The following SLC16A4 variants were observed in gnomAD, a reference collection of about 807,000 sequenced individuals.
SLC16A4 encodes the protein probable monocarboxylate transporter 5.
SLC16A4 carries 39 observed loss-of-function variants against 47.9 expected under a neutral mutation model. The observed-to-expected ratio is 0.81, with a 90% CI of 0.63 to 1.06. The LOEUF is 1.06. Among genes scored for constraint, SLC16A4 ranks in the 50% least tolerant of loss-of-function variants. The probability of loss-of-function intolerance (pLI) is 0.00; values close to 1 mark genes in which losing one functional copy is unlikely to be tolerated. For synonymous variants in SLC16A4, 189 were observed against 199.9 expected (o/e 0.95, Z 0.46); for missense variants, 524 against 573.8 (o/e 0.91, Z 0.89).
intron 2 of SLC16A4, among the ~76,000 whole-genome samples, chr1:110,387,727 C>G (rs530130727): frequency 8.6e-6 from 1 of 116,934 alleles, no homozygotes; most frequent in South Asian, 2.7e-4. Flanking sequence ...CCAACAGTGC[C>G]TATTCTGCAA....
chr1:110,365,360 G>C (rs897839555), intron 8 of SLC16A4, among the ~76,000 whole-genome samples: 2 of 151,960 alleles, frequency 1.3e-5, no homozygotes, highest in African/African-American at 4.8e-5. Context: ...ACACAGAGGA[G>C]ATGAGACAAG....
At chr1:110,364,017 C>T in intron 8 of SLC16A4, 124 bp from the exon 9 acceptor site, 1 of 910,422 alleles carries the variant, frequency 1.1e-6, no homozygotes, top group Non-Finnish European at 1.5e-6. Context: ...AGTGAAGCTT[C>T]TTAGCTGCCC....
At chr1:110,376,163 C>G (rs112498385) in intron 7 of SLC16A4, among the ~76,000 whole-genome samples, 1,825 of 152,246 alleles carry the variant, frequency 0.012, 47 homozygotes, top group African/African-American at 0.042. Context: ...AGGTGTGAGC[C>G]ACCACGCCCG....
intron 2 of SLC16A4, among the ~76,000 whole-genome samples, chr1:110,386,734 C>G (rs1662756022): frequency 6.6e-6 from 1 of 152,178 alleles, no homozygotes; most frequent in African/African-American, 2.4e-5. Context: ...ATCCTGCGTC[C>G]TTTTCTAGTA....
intron 8 of SLC16A4, among the ~76,000 whole-genome samples, chr1:110,373,297 C>T (rs894341116): frequency 6.6e-6 from 1 of 152,060 alleles, no homozygotes; most frequent in African/African-American, 2.4e-5. Context: ...GCCCAATAGG[C>T]TTGAAAAATT....
At chr1:110,372,741 T>C (rs1268511958) in intron 8 of SLC16A4, 1 of 152,250 alleles carries the variant, frequency 6.6e-6, no homozygotes, top group Non-Finnish European at 1.5e-5. Flanking sequence ...AACAACCTTA[T>C]AGCTTCCTTT....
chr1:110,374,296 C>T (rs1164696565), intron 8 of SLC16A4, among the ~76,000 whole-genome samples: 3 of 152,202 alleles, frequency 2.0e-5, no homozygotes, highest in Non-Finnish European at 4.4e-5. Context: ...CCACTTGGAC[C>T]TCCCAAAGTG....
At chr1:110,386,777 A>C (rs1662757820) in intron 2 of SLC16A4, among the ~76,000 whole-genome samples, 1 of 152,140 alleles carries the variant, frequency 6.6e-6, no homozygotes, top group Non-Finnish European at 1.5e-5. Flanking sequence ...TCACAGGCAA[A>C]CTTCTGTAAA....
At chr1:110,374,248 C>G (rs572825092) in intron 8 of SLC16A4, among the ~76,000 whole-genome samples, 5 of 152,064 alleles carry the variant, frequency 3.3e-5, no homozygotes, top group Non-Finnish European at 7.3e-5. Flanking sequence ...ACCATGGTGG[C>G]CAGGCTGGTC....
At position 110,374,605 on chromosome 1, in the gene SLC16A4, T is replaced by C. The variant is rs185606756; in HGVS notation, c.1336+853A>G. Among the ~76,000 whole-genome samples the C allele has an allele frequency of 6.6e-5, 10 of 152,340 alleles. No individual in the cohort carries two copies. The East Asian group carries it at 1.9e-3, about 29-fold the overall frequency. On this transcript the variant is annotated intron_variant, in intron 8 of 8. Coordinates refer to ENST00000369779, the MANE Select transcript of SLC16A4 (RefSeq NM_004696.3). Reference sequence around the variant, plus strand: ...AATACTTCTGTGTGAGTATTCAAGTTTGTAATAGTATTAGATTAAATATTC... The same window carrying C: ...AATACTTCTGTGTGAGTATTCAAGTCTGTAATAGTATTAGATTAAATATTC...
intron 6 of SLC16A4, among the ~76,000 whole-genome samples, chr1:110,377,373 G>T (rs1407316189): frequency 6.6e-6 from 1 of 152,178 alleles, no homozygotes; most frequent in African/African-American, 2.4e-5. Context: ...CTAGAGTAGT[G>T]TAGAAGACCC....
chr1:110,364,485 C>A (rs538244460), intron 8 of SLC16A4, among the ~76,000 whole-genome samples: 1 of 148,600 alleles, frequency 6.7e-6, no homozygotes, highest in Admixed American at 6.8e-5. Flanking sequence ...AAGTTCCCCC[C>A]TGAAATCTAA....
chr1:110,378,677 G>C (rs1168232204), intron 6 of SLC16A4, among the ~76,000 whole-genome samples, 176 bp downstream of exon 6: 1 of 152,210 alleles, frequency 6.6e-6, no homozygotes, highest in East Asian at 1.9e-4. Context: ...TGCAGTGACA[G>C]AGATCTCTTC....
chr1:110,383,905 G>T (rs897750235), intron 2 of SLC16A4, among the ~76,000 whole-genome samples: 2 of 139,754 alleles, frequency 1.4e-5, no homozygotes, highest in Non-Finnish European at 3.0e-5. Flanking sequence ...TTCAGCCTAC[G>T]CATGGGAATG....
At chr1:110,366,631 A>G (rs890115317) in intron 8 of SLC16A4, among the ~76,000 whole-genome samples, 16 of 152,178 alleles carry the variant, frequency 1.1e-4, no homozygotes, top group Non-Finnish European at 2.1e-4. Flanking sequence ...GCACAGTAAC[A>G]TGCTGTATAG....
chr1:110,377,180 C>A lies in SLC16A4; in HGVS notation c.1031-19G>T, dbSNP rs745693551. On this transcript the variant is annotated intron_variant, in intron 6 of 8. Transcript: ENST00000369779. Reference sequence around the variant, plus strand: ...AGGATACCTGGAACAATATTGAAATCTTTTTATTTTCCTGGTCCCTTTGAA... The same window carrying A: ...AGGATACCTGGAACAATATTGAAATATTTTTATTTTCCTGGTCCCTTTGAA... 19 of 1,599,976 alleles carry A rather than the reference C, an allele frequency of 1.2e-5. No individual in the cohort carries two copies. In the African/African-American group the frequency reaches 2.5e-4, roughly 21 times the overall value.
chr1:110,375,871 A>C (rs1661970001), intron 7 of SLC16A4, among the ~76,000 whole-genome samples: 3 of 152,146 alleles, frequency 2.0e-5, no homozygotes, highest in African/African-American at 7.2e-5. Flanking sequence ...GATATTTACA[A>C]TATGAATTAA....
intron 8 of SLC16A4, among the ~76,000 whole-genome samples, chr1:110,369,024 G>A (rs1345423171): frequency 6.7e-6 from 1 of 149,304 alleles, no homozygotes; most frequent in East Asian, 2.0e-4. Flanking sequence ...GTGCAATCTC[G>A]GCTCACTGCA....
At chr1:110,377,605 TAAA>T (rs35043363) in intron 6 of SLC16A4, among the ~76,000 whole-genome samples, 1 of 152,112 alleles carries the variant, frequency 6.6e-6, no homozygotes, top group African/African-American at 2.4e-5. Flanking sequence ...AGTCTTCTGT[TAAA>T]AAAGGAGATG....
Sources: gnomAD v4.1 joint callset for allele counts (sites outside exome capture counted in the v4.1 genomes callset) on GRCh38, gnomAD v4.1.1 for gene constraint, MANE v1.5 for transcripts, NCBI Gene and HGNC (gene_info 2026-07-23, HGNC 2026-07-21) for gene names.